Variants in JAKMIP1 observed in about 807,000 individuals in gnomAD.
The protein encoded by JAKMIP1 is janus kinase and microtubule interacting protein 1, also known as janus kinase and microtubule-interacting protein 1.
JAKMIP1 carries 33 observed loss-of-function variants against 113.0 expected under a neutral mutation model. That is an observed-to-expected ratio of 0.29 (90% confidence interval 0.22 to 0.39). JAKMIP1 has a LOEUF of 0.39. JAKMIP1 is among the 10% of genes least tolerant of loss of function. The probability of loss-of-function intolerance (pLI) is 1.00; values close to 1 mark genes in which losing one functional copy is unlikely to be tolerated. For missense variants in JAKMIP1, 813 were observed against 1,080.5 expected, an observed-to-expected ratio of 0.75 and a Z score of 3.47; for synonymous variants, 480 against 459.9, an observed-to-expected ratio of 1.04 and a Z score of -0.56.
At position 6,137,197 on chromosome 4, in the gene JAKMIP1, C is replaced by G. The variant is rs564770621; in HGVS notation, c.-147-24200G>C. On this transcript the variant is annotated intron_variant, in intron 1 of 20. Coordinates refer to ENST00000409021, the MANE Select transcript of JAKMIP1 (RefSeq NM_001099433.2). The surrounding 1 kb of genome is among the most constrained non-coding windows in gnomAD (Gnocchi z 4.5). Reference sequence around the variant, plus strand: ...CCCCATAGGGCTTGGAATCGAGCCACATGCAGCTCTGCCTCCTCCACCTGA... The same window carrying G: ...CCCCATAGGGCTTGGAATCGAGCCAGATGCAGCTCTGCCTCCTCCACCTGA... 6.6e-6 allele frequency among the ~76,000 whole-genome samples: 1 copy of G among 152,308 alleles called. No homozygotes were observed. Among genetic ancestry groups the G allele is most frequent in the Admixed American group, 6.5e-5 (1 of 15,306 alleles).
intron 3 of JAKMIP1, 22 bp from the exon 4 acceptor site, chr4:6,085,651 C>T (rs1721180876): frequency 1.9e-6 from 3 of 1,609,176 alleles, no homozygotes; most frequent in African/African-American, 1.3e-5. Context: ...AAAGAATAAG[C>T]AGTCAGCCCT....
rs117859239 is a variant in JAKMIP1 at position 6,058,403 on chromosome 4, G to A, written c.1645-1644C>T. On this transcript the variant is annotated intron_variant, in intron 11 of 20. Coordinates refer to ENST00000409021, the MANE Select transcript of JAKMIP1 (RefSeq NM_001099433.2). ...GGGAATAAGTACATTCTATGTCTTT[G>A]TACTTTAACCAAGATATTTGTTATA... 1.6e-4 allele frequency among the ~76,000 whole-genome samples: 24 copies of A among 152,300 alleles called. No individual in the cohort carries two copies. In the East Asian group the frequency reaches 4.6e-3, roughly 29 times the overall value.
Position 6,061,146 on chromosome 4 carries a change from A to G in JAKMIP1, c.1561-639T>C, listed in dbSNP as rs932000444. Among the ~76,000 whole-genome samples the G allele has an allele frequency of 3.9e-5, 6 of 152,326 alleles. No homozygotes were observed. The East Asian group carries it at 9.6e-4, about 24-fold the overall frequency. ...ACGCCTGTTGCTGCCAGATGTTCTG[A>G]CCTTTCAAGAGAGGTCAGGAACCTG... On this transcript the variant is annotated intron_variant, in intron 10 of 20. Coordinates refer to ENST00000409021, the MANE Select transcript of JAKMIP1 (RefSeq NM_001099433.2). This position sits in a 1 kb window ranked among gnomAD's most constrained non-coding sequence, Gnocchi z 5.3.
In JAKMIP1 at chr4:6,162,603, C is replaced by T. The variant is rs1723107196; in HGVS notation, c.-148+37650G>A. Reference sequence around the variant, plus strand: ...CATGTCAACAGGGCAAAGGCACCATCTCGTTCAACCTGCCAAGCTCAGTGT... The same window carrying T: ...CATGTCAACAGGGCAAAGGCACCATTTCGTTCAACCTGCCAAGCTCAGTGT... On this transcript the variant is annotated intron_variant, in intron 1 of 20. Transcript: ENST00000409021. This position sits in a 1 kb window ranked among gnomAD's most constrained non-coding sequence, Gnocchi z 5.6. Among the ~76,000 whole-genome samples, 1 of 152,222 alleles carries T rather than the reference C, an allele frequency of 6.6e-6. No homozygotes were observed. Among genetic ancestry groups the T allele is most frequent in the South Asian group, 2.1e-4 (1 of 4,826 alleles).
At chr4:6,119,025 G>A (rs978720159) in intron 1 of JAKMIP1, among the ~76,000 whole-genome samples, 1 of 152,178 alleles carries the variant, frequency 6.6e-6, no homozygotes, top group Non-Finnish European at 1.5e-5. Context: ...GGAAGAGACC[G>A]GAGCACTGCG....
At chr4:6,027,976 G>A (rs1424241834) in intron 20 of JAKMIP1, among the ~76,000 whole-genome samples, 2 of 152,168 alleles carry the variant, frequency 1.3e-5, no homozygotes, top group African/African-American at 4.8e-5. Flanking sequence ...CCTTGCCTGG[G>A]CCCTGGGCTG....
At chr4:6,170,201 A>G (rs1284838624) in intron 1 of JAKMIP1, among the ~76,000 whole-genome samples, 1 of 144,236 alleles carries the variant, frequency 6.9e-6, no homozygotes, top group East Asian at 2.1e-4. Flanking sequence ...CACTACCACC[A>G]TCATTGTCAA....
chr4:6,099,254 T>C (rs1305494474), intron 3 of JAKMIP1, among the ~76,000 whole-genome samples: 1 of 152,244 alleles, frequency 6.6e-6, no homozygotes, highest in Non-Finnish European at 1.5e-5. Flanking sequence ...TTTTGCTGTC[T>C]CTTCTCCATT....
chr4:6,062,880 C>G (rs1717510472), intron 9 of JAKMIP1, among the ~76,000 whole-genome samples: 1 of 152,274 alleles, frequency 6.6e-6, no homozygotes, highest in South Asian at 2.1e-4. Flanking sequence ...GGCATGGTGG[C>G]TCACGCCTGT....
In JAKMIP1 at chr4:6,083,295, T is replaced by C. The variant is rs929131945; in HGVS notation, c.955-1540A>G. Among the ~76,000 whole-genome samples, 35 of 150,490 alleles carry C rather than the reference T, an allele frequency of 2.3e-4. 1 individual carries two copies. Among genetic ancestry groups the C allele is most frequent in the Non-Finnish European group, 4.4e-5 (3 of 67,780 alleles). The stretch of plus-strand genomic sequence containing the variant: ...GCGGGTGCCTGTAATCCTAGCTACT[T>C]GGGAGGCTGAGGCAGGAGAATCACT... On this transcript the variant is annotated intron_variant, in intron 5 of 20. Transcript: ENST00000409021.
At chr4:6,056,837 T>TCA (rs1716539853) in intron 11 of JAKMIP1, 78 bp from the exon 12 acceptor site, 1 of 961,636 alleles carries the variant, frequency 1.0e-6, no homozygotes, top group Non-Finnish European at 1.7e-6. Context: ...GTGAGAAAGG[T>TCA]CACTTTCTAT....
chr4:6,112,034 G>C (rs1715016947), intron 2 of JAKMIP1, among the ~76,000 whole-genome samples: 1 of 152,160 alleles, frequency 6.6e-6, no homozygotes, highest in South Asian at 2.1e-4. Context: ...CGGGGAAGTG[G>C]GACATACCTC....
chr4:6,170,531 CCACCACCACCACCTCCATCACCAT>C (rs1724416970), intron 1 of JAKMIP1, among the ~76,000 whole-genome samples: 1 of 105,774 alleles, frequency 9.5e-6, no homozygotes, highest in African/African-American at 3.5e-5. Context: ...ACCATTATCA[CCACCACCACCACCTCCATCACCAT>C]CACCACCACC....
chr4:6,080,159 G>A lies in JAKMIP1; in HGVS notation c.1242+13C>T, dbSNP rs753664966. ...CCTGCCAGGGGCAGCCGCGCCAGCT[G>A]TGCTAGATGTACCAGTGAGAGGTCG... On this transcript the variant is annotated intron_variant, in intron 7 of 20. Coordinates refer to ENST00000409021, the MANE Select transcript of JAKMIP1 (RefSeq NM_001099433.2). This position sits in a 1 kb window ranked among gnomAD's most constrained non-coding sequence, Gnocchi z 6.0. The A allele has an allele frequency of 1.3e-6, 2 of 1,594,276 alleles. No individual in the cohort carries two copies. The highest frequency in any genetic ancestry group is 1.3e-5 in the African/African-American group (1 of 74,668).
chr4:6,060,146 T>G (rs989898789), intron 11 of JAKMIP1, among the ~76,000 whole-genome samples: 5 of 152,240 alleles, frequency 3.3e-5, no homozygotes, highest in African/African-American at 1.2e-4. Context: ...ATCACACCTT[T>G]GCTTTTGGAA....
rs1465313777 is a variant in JAKMIP1 at position 6,162,706 on chromosome 4, C to A, written c.-148+37547G>T. On this transcript the variant is annotated intron_variant, in intron 1 of 20. Coordinates refer to ENST00000409021, the MANE Select transcript of JAKMIP1 (RefSeq NM_001099433.2). The surrounding 1 kb of genome is among the most constrained non-coding windows in gnomAD (Gnocchi z 5.6). The stretch of plus-strand genomic sequence containing the variant: ...CAGCATTACCATCATTATCATCGTT[C>A]CCACTTTACAGGTAATAAAACTGGC... Among the ~76,000 whole-genome samples the A allele has an allele frequency of 6.6e-6, 1 of 152,138 alleles. No homozygotes were observed. Among genetic ancestry groups the A allele is most frequent in the African/African-American group, 2.4e-5 (1 of 41,428 alleles).
At position 6,059,811 on chromosome 4, in the gene JAKMIP1, C is replaced by A. The variant is rs1717009380; in HGVS notation, c.1644+613G>T. 6.6e-6 allele frequency among the ~76,000 whole-genome samples: 1 copy of A among 152,130 alleles called. No individual in the cohort carries two copies. The highest frequency in any genetic ancestry group is 1.5e-5 in the Non-Finnish European group (1 of 68,030). Reference sequence around the variant, plus strand: ...CACAGAGGAGGCCGACCCATACGAACCTTCGCATGCCACCCCGAGAGGCCA... The same window carrying A: ...CACAGAGGAGGCCGACCCATACGAAACTTCGCATGCCACCCCGAGAGGCCA... On this transcript the variant is annotated intron_variant, in intron 11 of 20. Transcript: ENST00000409021. This position sits in a 1 kb window ranked among gnomAD's most constrained non-coding sequence, Gnocchi z 4.8.
At chr4:6,085,678 G>A (rs1226714190) in intron 3 of JAKMIP1, 49 bp from the exon 4 acceptor site, 1 of 1,565,464 alleles carries the variant, frequency 6.4e-7, no homozygotes. Context: ...TCATGACCAA[G>A]GAAATCTCTC....
rs762102033 is a variant in JAKMIP1, at chr4:6,194,355, G to T, written c.-148+5898C>A. ...AGAATTGCTTCAATGGAAGACACAG[G>T]TTGTGATCTCATTCAATACAGTCCC... On this transcript the variant is annotated intron_variant, in intron 1 of 20. Coordinates refer to ENST00000409021, the MANE Select transcript of JAKMIP1 (RefSeq NM_001099433.2). This position sits in a 1 kb window ranked among gnomAD's most constrained non-coding sequence, Gnocchi z 7.4. 6.6e-6 allele frequency: 1 copy of T among 152,048 alleles called. No individual in the cohort carries two copies. The highest frequency in any genetic ancestry group is 2.4e-5 in the African/African-American group (1 of 41,390). 9.4% of individuals were successfully genotyped at this position (152,048 alleles called of 1,614,324 possible). A position where few individuals can be genotyped will look rare whatever the true frequency, so the allele number is the denominator to read the frequency against.
Sources: gnomAD v4.1 joint callset for allele counts (sites outside exome capture counted in the v4.1 genomes callset) on GRCh38, gnomAD v4.1.1 for gene constraint, Gnocchi (gnomAD v3.1) non-coding constraint, MANE v1.5 for transcripts, NCBI Gene and HGNC (gene_info 2026-07-23, HGNC 2026-07-21) for gene names.